The following CDKAL1 variants were observed in gnomAD, a reference collection of about 807,000 sequenced individuals.
The protein encoded by CDKAL1 is threonylcarbamoyladenosine tRNA methylthiotransferase.
A neutral mutation model predicts 68.2 loss-of-function variants in CDKAL1; 32 were observed. That is an observed-to-expected ratio of 0.47 (90% CI 0.35 to 0.63). The LOEUF (loss-of-function observed/expected upper bound fraction) is 0.63. CDKAL1 is among the 30% of genes least tolerant of loss of function. CDKAL1 has a pLI of 0.00. For synonymous variants in CDKAL1, 234 were observed against 244.3 expected (o/e 0.96, Z 0.39); for missense variants, 606 against 696.7 (o/e 0.87, Z 1.47).
At chr6:20,940,632 C>T (rs1416415530) in intron 9 of CDKAL1, among the ~76,000 whole-genome samples, 1 of 152,148 alleles carries the variant, frequency 6.6e-6, no homozygotes, top group South Asian at 2.1e-4. Flanking sequence ...TCATAGCTTA[C>T]AACAGCCTTG....
chr6:20,611,495 A>G (rs903880953), intron 4 of CDKAL1, among the ~76,000 whole-genome samples: 1 of 152,218 alleles, frequency 6.6e-6, no homozygotes, highest in African/African-American at 2.4e-5. Flanking sequence ...CCTGTGACCC[A>G]GAATGAACAT....
At chr6:20,763,340 A>C (rs1774551687) in intron 7 of CDKAL1, among the ~76,000 whole-genome samples, 1 of 152,112 alleles carries the variant, frequency 6.6e-6, no homozygotes, top group South Asian at 2.1e-4. Context: ...CTGGGATGGA[A>C]ACAGCACCCC....
chr6:20,600,791 C>CATATATATATAT (rs1336889610), intron 4 of CDKAL1, among the ~76,000 whole-genome samples: 9 of 77,246 alleles, frequency 1.2e-4, no homozygotes, highest in African/African-American at 3.6e-4. Context: ...TATATATACA[C>CATATATATATAT]ACACACACAT....
intron 13 of CDKAL1, among the ~76,000 whole-genome samples, chr6:21,130,379 C>T (rs1775253189): frequency 6.6e-6 from 1 of 152,084 alleles, no homozygotes; most frequent in Non-Finnish European, 1.5e-5. Flanking sequence ...CACCCGCCAC[C>T]ACGCCCAGCT....
chr6:20,896,946 A>G (rs1045987136), intron 9 of CDKAL1, among the ~76,000 whole-genome samples: 4 of 152,192 alleles, frequency 2.6e-5, no homozygotes, highest in Non-Finnish European at 5.9e-5. Context: ...TTCTACTTGG[A>G]CCTGTGCCTT....
chr6:21,163,355 C>T (rs1777007277), intron 13 of CDKAL1, among the ~76,000 whole-genome samples: 1 of 152,160 alleles, frequency 6.6e-6, no homozygotes, highest in Admixed American at 6.5e-5. Context: ...TAGACTGGAT[C>T]CTGACCTCTT....
intron 9 of CDKAL1, among the ~76,000 whole-genome samples, chr6:20,875,892 G>T (rs1030461472): frequency 6.6e-6 from 1 of 152,122 alleles, no homozygotes; most frequent in Non-Finnish European, 1.5e-5. Flanking sequence ...TGAAAAAAAG[G>T]CTTACTAGCT....
intron 11 of CDKAL1, among the ~76,000 whole-genome samples, chr6:21,041,718 A>T (rs1176117914): frequency 6.6e-6 from 1 of 151,978 alleles, no homozygotes; most frequent in African/African-American, 2.4e-5. Flanking sequence ...TTTGTATAGC[A>T]TTTAAAATTT....
intron 12 of CDKAL1, among the ~76,000 whole-genome samples, chr6:21,074,281 CTTT>C (rs1285060352): frequency 1.1e-3 from 169 of 152,272 alleles, no homozygotes; most frequent in African/African-American, 3.1e-3. Flanking sequence ...TAGTCTCTGA[CTTT>C]ATTGTCACAA....
intron 8 of CDKAL1, among the ~76,000 whole-genome samples, chr6:20,813,824 C>G (rs1017421406): frequency 6.6e-6 from 1 of 152,120 alleles, no homozygotes; most frequent in Non-Finnish European, 1.5e-5. Flanking sequence ...TAGTTTCACA[C>G]GGAGTTGATA....
chr6:20,725,441 C>T (rs1581453214), intron 5 of CDKAL1, among the ~76,000 whole-genome samples: 3 of 152,160 alleles, frequency 2.0e-5, no homozygotes, highest in Admixed American at 2.0e-4. Flanking sequence ...ATGCAGTGGT[C>T]TGACTTCCGT....
At chr6:21,206,838 T>C (rs1582418274) in intron 15 of CDKAL1, among the ~76,000 whole-genome samples, 1 of 152,314 alleles carries the variant, frequency 6.6e-6, no homozygotes, top group South Asian at 2.1e-4. Context: ...ATAGTAGGTA[T>C]ATTAAATATT....
chr6:20,879,928 G>T (rs1377192359), intron 9 of CDKAL1, among the ~76,000 whole-genome samples: 1 of 152,178 alleles, frequency 6.6e-6, no homozygotes, highest in Non-Finnish European at 1.5e-5. Context: ...TATGAATTTT[G>T]TCTGTCATTT....
chr6:20,674,684 C>G (rs2127784625), intron 5 of CDKAL1, among the ~76,000 whole-genome samples: 1 of 152,232 alleles, frequency 6.6e-6, no homozygotes, highest in African/African-American at 2.4e-5. Flanking sequence ...AGAACTTATT[C>G]CTCCTGTCTA....
chr6:20,609,453 T>C (rs1259734893), intron 4 of CDKAL1, among the ~76,000 whole-genome samples: 1 of 148,892 alleles, frequency 6.7e-6, no homozygotes, highest in Non-Finnish European at 1.5e-5. Flanking sequence ...TAGAATGCAG[T>C]GGCACAGTCT....
chr6:21,044,055 A>G (rs1770084630), intron 11 of CDKAL1, among the ~76,000 whole-genome samples: 1 of 152,230 alleles, frequency 6.6e-6, no homozygotes, highest in Non-Finnish European at 1.5e-5. Flanking sequence ...ATTTAAGCAC[A>G]TTCTACATTA....
At chr6:20,997,553 GA>G (rs1767186863) in intron 10 of CDKAL1, among the ~76,000 whole-genome samples, 2 of 151,502 alleles carry the variant, frequency 1.3e-5, no homozygotes, top group Non-Finnish European at 2.9e-5. Flanking sequence ...GGGGGAGGGG[GA>G]AACCACTACA....
intron 9 of CDKAL1, among the ~76,000 whole-genome samples, chr6:20,954,395 A>G (rs1191621127): frequency 6.6e-6 from 1 of 152,228 alleles, no homozygotes; most frequent in Non-Finnish European, 1.5e-5. Context: ...GACACTTTCT[A>G]GAAACTTATA....
chr6:20,655,074 T>C (rs1267007261), intron 5 of CDKAL1, among the ~76,000 whole-genome samples: 1 of 152,264 alleles, frequency 6.6e-6, no homozygotes, highest in Non-Finnish European at 1.5e-5. Flanking sequence ...TTTCTATAGC[T>C]CTTGTGCATC....
Sources: gnomAD v4.1 joint callset for allele counts (sites outside exome capture counted in the v4.1 genomes callset) on GRCh38, gnomAD v4.1.1 for gene constraint, MANE v1.5 for transcripts, NCBI Gene and HGNC (gene_info 2026-07-23, HGNC 2026-07-21) for gene names.